MGAT5B: variants seen among roughly 807,000 people sequenced by gnomAD.
MGAT5B encodes alpha-1,6-mannosylglycoprotein 6-beta-N-acetylglucosaminyltransferase B, also known as N-acetylglucosaminyl-transferase Vb.
A neutral mutation model predicts 95.1 loss-of-function variants in MGAT5B; 54 were observed. That is an observed-to-expected ratio of 0.57 (90% CI 0.46 to 0.71). MGAT5B has a LOEUF of 0.71. Ranked by LOEUF, MGAT5B falls within the 30% of genes least tolerant of loss-of-function variation. The pLI, the probability that MGAT5B is intolerant of heterozygous loss-of-function variation, is 0.00. For synonymous variants in MGAT5B, 464 were observed against 451.0 expected (o/e 1.03, Z -0.36); for missense variants, 935 against 1,088.6 (o/e 0.86, Z 1.99).
In MGAT5B at chr17:76,877,094, G is replaced by A. The variant is rs530969856; in HGVS notation, c.181+4131G>A. 3.3e-5 allele frequency among the ~76,000 whole-genome samples: 5 copies of A among 152,284 alleles called. No individual in the cohort carries two copies. The South Asian group carries it at 6.2e-4, about 19-fold the overall frequency. On this transcript the variant is annotated intron_variant, in intron 2 of 17. Transcript: ENST00000569840. The stretch of plus-strand genomic sequence containing the variant: ...TAATCCCAACACTTTGGGAGGCTGA[G>A]GCAGGTGGATCACCTGAGGTCAGGA...
chr17:76,918,069 T>C lies in MGAT5B; in HGVS notation c.1026-6897T>C, dbSNP rs1317737038. ...GCATGGCCCTATTCTTAGCACTGAG[T>C]TTGCTTGCTAGGAAAGAACGCTGGG... is the stretch of plus-strand genomic sequence containing the variant. On this transcript the variant is annotated intron_variant, in intron 8 of 17. Coordinates refer to ENST00000569840, the MANE Select transcript of MGAT5B (RefSeq NM_001199172.2). This position sits in a 1 kb window ranked among gnomAD's most constrained non-coding sequence, Gnocchi z 5.1. 1.3e-5 allele frequency among the ~76,000 whole-genome samples: 2 copies of C among 152,090 alleles called. No homozygotes were observed. The highest frequency in any genetic ancestry group is 2.9e-5 in the Non-Finnish European group (2 of 68,004).
Position 76,897,660 on chromosome 17 carries a change from ACTTTCTTTCTTTCTTTCTTTCTTT to A in MGAT5B, c.330-4850_330-4827del, listed in dbSNP as rs772516557. Among the ~76,000 whole-genome samples, 21 of 69,436 alleles carry A rather than the reference ACTTTCTTTCTTTCTTTCTTTCTTT, an allele frequency of 3.0e-4. 1 individual carries two copies. The highest frequency in any genetic ancestry group is 2.5e-3 in the South Asian group (5 of 1,974). The allele number at this position is 69,436 out of a possible 152,430, so 45.6% of individuals were successfully genotyped here. A position where few individuals can be genotyped will look rare whatever the true frequency, so the allele number is the denominator to read the frequency against. ...AAAGACCCTATTCCCAAGTAAGGCC[ACTTTCTTTCTTTCTTTCTTTCTTT>A]CTTTCTTTCTTTCTTTCTTTCTTTC... On this transcript the variant is annotated intron_variant, in intron 3 of 17. Coordinates refer to ENST00000569840, the MANE Select transcript of MGAT5B (RefSeq NM_001199172.2).
At chr17:76,891,806 A>T (rs1260574686) in intron 3 of MGAT5B, among the ~76,000 whole-genome samples, 1 of 152,110 alleles carries the variant, frequency 6.6e-6, no homozygotes. Context: ...CTCCTTTGAC[A>T]GACAAGGGAG....
intron 3 of MGAT5B, among the ~76,000 whole-genome samples, chr17:76,898,070 T>C (rs1968165623): frequency 6.6e-6 from 1 of 151,964 alleles, no homozygotes; most frequent in Non-Finnish European, 1.5e-5. Context: ...AAAAAAAAGT[T>C]TATTGAGGTA....
intron 15 of MGAT5B, 145 bp from the exon 16 acceptor site, chr17:76,946,231 G>A: frequency 1.6e-6 from 1 of 614,734 alleles, no homozygotes; most frequent in Non-Finnish European, 2.8e-6. Context: ...TGGGTGGAAG[G>A]GCCAGGTGGA....
chr17:76,882,406 G>C, intron 3 of MGAT5B, 108 bp downstream of exon 3: 2 of 1,340,544 alleles, frequency 1.5e-6, no homozygotes, highest in Non-Finnish European at 1.0e-6. Context: ...AGAAGATTTG[G>C]ACCACACTGT....
intron 15 of MGAT5B, among the ~76,000 whole-genome samples, chr17:76,941,631 G>A (rs1015958689): frequency 4.6e-5 from 7 of 152,236 alleles, no homozygotes; most frequent in African/African-American, 9.6e-5. Flanking sequence ...AGGCCGAGGC[G>A]GGCAGCTCAC....
intron 8 of MGAT5B, 91 bp from the exon 9 acceptor site, chr17:76,924,875 G>A (rs3889146): frequency 3.4e-6 from 5 of 1,489,976 alleles, no homozygotes; most frequent in Non-Finnish European, 4.6e-6. Context: ...CTCTGCACTT[G>A]TACAGTTCAT....
chr17:76,882,292 C>G lies in MGAT5B; in HGVS notation c.323C>G (p.Ala108Gly). The change falls in exon 3 of 18, where the codon GCA (alanine) becomes GGA (glycine). Residue 108 changes from alanine (A) to glycine (G), a missense_variant. Physicochemically the swap from Ala to Gly is moderately conservative, Grantham distance 60 (BLOSUM62 0). Transcript: ENST00000569840. ...HRAGGDLHFP[A>G]DRMPPGAGLM... ...GCCGGCGGCGACCTGCACTTTCCCG[C>G]AGACAGGTGAGGGGACGTGGGGAGG... 1.9e-6 allele frequency: 3 copies of G among 1,611,008 alleles called. No homozygotes were observed. Among genetic ancestry groups the G allele is most frequent in the Non-Finnish European group, 2.5e-6 (3 of 1,179,094 alleles).
In MGAT5B at chr17:76,947,819, C is replaced by A; in HGVS notation, c.1924-11C>A. 1 of 1,538,030 alleles carries A rather than the reference C, an allele frequency of 6.5e-7. No homozygotes were observed. Among genetic ancestry groups the A allele is most frequent in the South Asian group, 1.2e-5 (1 of 80,648 alleles). The stretch of plus-strand genomic sequence containing the variant: ...CACTTCCCCACCCTGACACTGCTCT[C>A]CTCCTTGCAGGACTTCTGCAGAGCT... On this transcript the variant is annotated splice_polypyrimidine_tract_variant and intron_variant, in intron 16 of 17. Coordinates refer to ENST00000569840, the MANE Select transcript of MGAT5B (RefSeq NM_001199172.2).
chr17:76,940,404 C>G lies in MGAT5B; in HGVS notation c.1587C>G (p.Leu529=). 1 of 1,601,080 alleles carries G rather than the reference C, an allele frequency of 6.2e-7. No individual in the cohort carries two copies. The highest frequency in any genetic ancestry group is 1.3e-5 in the African/African-American group (1 of 74,758). ...CACTGCGCCCCTTGACTCTGCAGCT[C>G]TTCATCGGGTTTGGCTTCCCCTACG... ...EFQQLLRKAK[L]FIGFGFPYEG... Residue 529 remains leucine, a splice_region_variant and synonymous_variant, in exon 14 of 18, where the codon CTC becomes CTG. Transcript: ENST00000569840. The surrounding 1 kb of genome is among the most constrained non-coding windows in gnomAD (Gnocchi z 4.3).
Position 76,938,978 on chromosome 17 carries a change from C to A in MGAT5B, c.1584+835C>A, listed in dbSNP as rs1969763514. On this transcript the variant is annotated intron_variant, in intron 13 of 17. Transcript: ENST00000569840. The surrounding 1 kb of genome is among the most constrained non-coding windows in gnomAD (Gnocchi z 4.3). ...ACAGATGTGAGCCACTGCACCTGGC[C>A]CCAGGCCCTCTCTTGATCTCACCAT... 6.6e-6 allele frequency among the ~76,000 whole-genome samples: 1 copy of A among 151,458 alleles called. No individual in the cohort carries two copies. The highest frequency in any genetic ancestry group is 6.6e-5 in the Admixed American group (1 of 15,196).
In MGAT5B at chr17:76,948,906, G is replaced by T; in HGVS notation, c.*68G>T. ...CCTGCCGCGGGAGAAAGCACCAGCA[G>T]GTTCTGAGCCCTGGCTGCTTGTCCT... On this transcript the variant is annotated 3_prime_UTR_variant, in exon 18 of 18. Transcript: ENST00000569840. The T allele has an allele frequency of 6.8e-7, 1 of 1,470,896 alleles. No homozygotes were observed. The highest frequency in any genetic ancestry group is 2.1e-5 in the Admixed American group (1 of 48,340). 91.1% of individuals were successfully genotyped at this position (1,470,896 alleles called of 1,614,324 possible).
intron 8 of MGAT5B, among the ~76,000 whole-genome samples, chr17:76,908,811 C>CTT (rs138361073): frequency 1.9e-4 from 27 of 140,832 alleles, no homozygotes; most frequent in African/African-American, 2.9e-4. Context: ...ACTCTGCTAT[C>CTT]TTTTTTTTTT....
chr17:76,875,581 T>C (rs1967156699), intron 2 of MGAT5B, among the ~76,000 whole-genome samples: 1 of 151,692 alleles, frequency 6.6e-6, no homozygotes, highest in African/African-American at 2.4e-5. Flanking sequence ...GAGTAGTCTT[T>C]TGTGTGTGTC....
At chr17:76,932,117 T>TTTG (rs1969509165) in intron 10 of MGAT5B, among the ~76,000 whole-genome samples, 1 of 114,464 alleles carries the variant, frequency 8.7e-6, no homozygotes, top group African/African-American at 3.3e-5. Flanking sequence ...TGTCTTCGTC[T>TTTG]TCTTTGTCTT....
chr17:76,896,614 A>G (rs1273903677), intron 3 of MGAT5B, among the ~76,000 whole-genome samples: 2 of 152,160 alleles, frequency 1.3e-5, no homozygotes, highest in Non-Finnish European at 2.9e-5. Flanking sequence ...CATTACTCAG[A>G]TTTCACAGGA....
intron 3 of MGAT5B, among the ~76,000 whole-genome samples, chr17:76,893,099 T>C (rs1967938206): frequency 6.6e-6 from 1 of 152,164 alleles, no homozygotes; most frequent in South Asian, 2.1e-4. Flanking sequence ...TCTTGGTACC[T>C]GTGTGTTCTT....
chr17:76,927,410 T>G (rs566384880), intron 10 of MGAT5B, among the ~76,000 whole-genome samples: 1 of 152,128 alleles, frequency 6.6e-6, no homozygotes, highest in Non-Finnish European at 1.5e-5. Context: ...CGGCTAATTT[T>G]TATATTTTTT....
Sources: gnomAD v4.1 joint callset for allele counts (sites outside exome capture counted in the v4.1 genomes callset) on GRCh38, gnomAD v4.1.1 for gene constraint, Gnocchi (gnomAD v3.1) non-coding constraint, MANE v1.5 for transcripts, NCBI Gene and HGNC (gene_info 2026-07-23, HGNC 2026-07-21) for gene names.